Variants in TMPRSS6 observed in about 807,000 individuals in gnomAD.
The protein encoded by TMPRSS6 is transmembrane serine protease 6.
A neutral mutation model predicts 101.5 loss-of-function variants in TMPRSS6; 67 were observed. That is an observed-to-expected ratio of 0.66 (90% CI 0.54 to 0.81). TMPRSS6 has a LOEUF of 0.81. TMPRSS6 is among the 30% of genes least tolerant of loss of function. TMPRSS6 has a pLI of 0.00. For synonymous variants in TMPRSS6, 453 were observed against 464.9 expected (o/e 0.97, Z 0.33); for missense variants, 1,034 against 1,088.7 (o/e 0.95, Z 0.71).
chr22:37,088,977 C>T (rs908490534), intron 7 of TMPRSS6, among the ~76,000 whole-genome samples: 1 of 152,242 alleles, frequency 6.6e-6, no homozygotes, highest in Non-Finnish European at 1.5e-5. Flanking sequence ...ACCCCCGCCC[C>T]ACACACCAGT....
chr22:37,068,508 G>A (rs1926544988), intron 16 of TMPRSS6: 1 of 734,602 alleles, frequency 1.4e-6, no homozygotes, highest in Non-Finnish European at 2.5e-6. Flanking sequence ...ACGTAGAAAG[G>A]GGAGAGACCC....
rs757356137 is a variant in TMPRSS6 at position 37,089,577 on chromosome 22, C to A, written c.836+1G>T. 11 of 1,417,630 alleles carry A rather than the reference C, an allele frequency of 7.8e-6. No individual in the cohort carries two copies. The highest frequency in any genetic ancestry group is 9.7e-6 in the Non-Finnish European group (10 of 1,035,734). 87.8% of individuals were successfully genotyped at this position (1,417,630 alleles called of 1,614,324 possible). ...TCCTGCCCTCCTTCCCAGGGACTCA[C>A]GAGGTGATGAGCCTCTTCTCCAGGG... On this transcript the variant is annotated splice_donor_variant, in intron 7 of 17. Coordinates refer to ENST00000676104, the MANE Select transcript of TMPRSS6 (RefSeq NM_001374504.1). LOFTEE classifies it high-confidence loss of function.
chr22:37,068,499 C>T lies in TMPRSS6; in HGVS notation c.2113+574G>A, dbSNP rs566317212. On this transcript the variant is annotated intron_variant, in intron 16 of 17. Coordinates refer to ENST00000676104, the MANE Select transcript of TMPRSS6 (RefSeq NM_001374504.1). ...GCCGCCAGGGACTCTGGTCAGTGAACGTAGAAAGGGGAGAGACCCTGTTTC... is the reference window on the plus strand; with the variant it reads ...GCCGCCAGGGACTCTGGTCAGTGAATGTAGAAAGGGGAGAGACCCTGTTTC... 104 of 706,198 alleles carry T rather than the reference C, an allele frequency of 1.5e-4. No homozygotes were observed. In the African/African-American group the frequency reaches 1.7e-3, roughly 12 times the overall value. 43.7% of individuals were successfully genotyped at this position (706,198 alleles called of 1,614,324 possible). A position where few individuals can be genotyped will look rare whatever the true frequency, so the allele number is the denominator to read the frequency against.
chr22:37,084,256 G>T, intron 10 of TMPRSS6, 39 bp downstream of exon 10: 1 of 1,539,728 alleles, frequency 6.5e-7, no homozygotes, highest in Non-Finnish European at 8.9e-7. Flanking sequence ...GGGAGGGGGA[G>T]GGAGGAAAGG....
chr22:37,069,299 C>T lies in TMPRSS6; in HGVS notation c.1887G>A (p.Trp629Ter). The change falls in exon 16 of 18, where the codon TGG becomes TGA. Residue 629 changes from tryptophan to a stop codon, truncating the protein, a stop_gained. Transcript: ENST00000676104. LOFTEE classifies it high-confidence loss of function. This position sits in a 1 kb window ranked among gnomAD's most constrained non-coding sequence, Gnocchi z 4.8. ...VLWTVFLGKV[W>*]QNSRWPGEVS... is the part of the protein sequence containing the mutation. Reference sequence around the variant, plus strand: ...CCTCTCCAGGCCAGCGCGAGTTCTGCCACACCTTGCCCAGGAACACGGTCC... The same window carrying T: ...CCTCTCCAGGCCAGCGCGAGTTCTGTCACACCTTGCCCAGGAACACGGTCC... 6.5e-7 allele frequency: 1 copy of T among 1,533,734 alleles called. No individual in the cohort carries two copies. Among genetic ancestry groups the T allele is most frequent in the Non-Finnish European group, 8.8e-7 (1 of 1,136,188 alleles).
chr22:37,095,990 C>T lies in TMPRSS6; in HGVS notation c.505G>A (p.Glu169Lys), dbSNP rs923959727. ...GAGCTGTTGACTGTGGACAGCAGCT[C>T]CTCCACCAGCAGTGCCTGCACCACC... ...PEVVQALLVEELLSTVNSSAA... is the reference protein window; with the variant it reads ...PEVVQALLVEKLLSTVNSSAA... The change falls in exon 5 of 18, where the codon GAG becomes AAG. Residue 169 changes from glutamate (E) to lysine (K), a missense_variant. Transcript: ENST00000676104. 2 of 1,614,098 alleles carry T rather than the reference C, an allele frequency of 1.2e-6. No individual in the cohort carries two copies. Among genetic ancestry groups the T allele is most frequent in the Admixed American group, 1.7e-5 (1 of 60,016 alleles).
At chr22:37,070,863 G>T in intron 14 of TMPRSS6, 53 bp downstream of exon 14, 1 of 1,549,358 alleles carries the variant, frequency 6.5e-7, no homozygotes, top group Non-Finnish European at 8.9e-7. Flanking sequence ...TTCCTGCTGT[G>T]GGCACCCCCT....
intron 13 of TMPRSS6, among the ~76,000 whole-genome samples, chr22:37,072,719 A>ATGGG (rs1197817667): frequency 2.2e-5 from 3 of 134,294 alleles, no homozygotes; most frequent in African/African-American, 8.6e-5. Context: ...TGATGGATGG[A>ATGGG]TGATGGATGG....
intron 17 of TMPRSS6, among the ~76,000 whole-genome samples, 190 bp downstream of exon 17, chr22:37,066,636 G>A (rs946579030): frequency 6.6e-6 from 1 of 152,224 alleles, no homozygotes; most frequent in Non-Finnish European, 1.5e-5. Flanking sequence ...CTGTGGCTCT[G>A]CAACCTTGGG....
At position 37,089,517 on chromosome 22, in the gene TMPRSS6, C is replaced by G. The variant is rs1929041285; in HGVS notation, c.836+61G>C. ...TAAGAATGCTGTGTGTGACTTTCAA[C>G]TCCCCCATCAACCACTCCCTTTTCC... On this transcript the variant is annotated intron_variant, in intron 7 of 17. Transcript: ENST00000676104. The G allele has an allele frequency of 1.1e-5, 17 of 1,489,250 alleles. No individual in the cohort carries two copies. In the East Asian group the frequency reaches 3.9e-4, roughly 34 times the overall value. The allele number at this position is 1,489,250 out of a possible 1,614,324, so 92.3% of individuals were successfully genotyped here.
At chr22:37,083,807 G>A (rs1928450140) in intron 10 of TMPRSS6, 1 of 265,514 alleles carries the variant, frequency 3.8e-6, no homozygotes, top group Admixed American at 4.8e-5. Context: ...GGGGATCCAG[G>A]GCACCCATGA....
At chr22:37,072,608 T>TAGAC (rs1927160544) in intron 13 of TMPRSS6, among the ~76,000 whole-genome samples, 1 of 119,296 alleles carries the variant, frequency 8.4e-6, no homozygotes, top group Non-Finnish European at 1.7e-5. Flanking sequence ...GATGGATGGA[T>TAGAC]GGATGATGGA....
At chr22:37,089,220 C>A (rs1315277641) in intron 7 of TMPRSS6, among the ~76,000 whole-genome samples, 2 of 152,104 alleles carry the variant, frequency 1.3e-5, no homozygotes, top group Non-Finnish European at 2.9e-5. Flanking sequence ...GGTGTTCTAC[C>A]AGGAAGCAGT....
At chr22:37,068,115 C>G (rs1926506750) in intron 16 of TMPRSS6, among the ~76,000 whole-genome samples, 1 of 152,182 alleles carries the variant, frequency 6.6e-6, no homozygotes, top group Non-Finnish European at 1.5e-5. Flanking sequence ...TCTCCCCATC[C>G]ATGTCAGCTC....
chr22:37,106,092 GCCT>G (rs1930695309), intron 1 of TMPRSS6, among the ~76,000 whole-genome samples: 1 of 152,138 alleles, frequency 6.6e-6, no homozygotes, highest in Admixed American at 6.5e-5. Context: ...TCTCATGTAA[GCCT>G]TACACAGATC....
chr22:37,087,140 C>T (rs964542274), intron 7 of TMPRSS6, among the ~76,000 whole-genome samples: 1 of 152,196 alleles, frequency 6.6e-6, no homozygotes, highest in African/African-American at 2.4e-5. Context: ...CCTGGTCTGC[C>T]TGTCTCAGAC....
chr22:37,088,443 G>A (rs768948309), intron 7 of TMPRSS6, among the ~76,000 whole-genome samples: 1 of 152,152 alleles, frequency 6.6e-6, no homozygotes, highest in Non-Finnish European at 1.5e-5. Context: ...TCAGCCTGAC[G>A]CCCAGCACAA....
intron 7 of TMPRSS6, among the ~76,000 whole-genome samples, chr22:37,087,674 G>C (rs995840336): frequency 1.3e-5 from 2 of 151,080 alleles, no homozygotes; most frequent in South Asian, 2.1e-4. Context: ...CAACCACACC[G>C]GTGCCCCCCA....
chr22:37,098,711 T>G (rs537052914), intron 2 of TMPRSS6, among the ~76,000 whole-genome samples, 162 bp from the exon 3 acceptor site: 72 of 152,334 alleles, frequency 4.7e-4, no homozygotes, highest in African/African-American at 1.5e-3. Context: ...TCACTCCCAT[T>G]GTCATCATGG....
Sources: gnomAD v4.1 joint callset for allele counts (sites outside exome capture counted in the v4.1 genomes callset) on GRCh38, gnomAD v4.1.1 for gene constraint, Gnocchi (gnomAD v3.1) non-coding constraint, MANE v1.5 for transcripts, NCBI Gene and HGNC (gene_info 2026-07-23, HGNC 2026-07-21) for gene names.